The following VTI1A variants were observed in gnomAD, a reference collection of about 807,000 sequenced individuals.
VTI1A encodes vesicle transport through interaction with t-SNAREs 1A, also known as vesicle transport through interaction with t-SNAREs homolog 1A.
VTI1A carries 22 observed loss-of-function variants against 34.9 expected under a neutral mutation model. The ratio of observed to expected loss-of-function variants is 0.63; its 90% CI spans 0.45 to 0.90. VTI1A has a LOEUF of 0.90. VTI1A is among the 40% of genes least tolerant of loss of function. The pLI, the probability that VTI1A is intolerant of heterozygous loss-of-function variation, is 0.00. For missense variants in VTI1A, 268 were observed against 275.6 expected (o/e 0.97, Z 0.20); for synonymous variants, 87 against 97.3 (o/e 0.89, Z 0.62).
chr10:112,538,144 C>A, intron 4 of VTI1A, 102 bp from the exon 5 acceptor site: 1 of 931,624 alleles, frequency 1.1e-6, no homozygotes, highest in Non-Finnish European at 1.7e-6. Context: ...GCGAACCCCC[C>A]CACCCCATGT....
chr10:112,489,798 G>T (rs755778555), intron 3 of VTI1A, among the ~76,000 whole-genome samples: 4 of 152,116 alleles, frequency 2.6e-5, no homozygotes, highest in Non-Finnish European at 5.9e-5. Context: ...CTAGATTGTG[G>T]GTTGTGGCTA....
At chr10:112,706,395 C>T (rs1304589526) in intron 7 of VTI1A, among the ~76,000 whole-genome samples, 5 of 152,164 alleles carry the variant, frequency 3.3e-5, no homozygotes, top group Admixed American at 6.5e-5. Flanking sequence ...ACAGTGGTTA[C>T]ATGGGGTTAA....
intron 5 of VTI1A, among the ~76,000 whole-genome samples, chr10:112,544,519 G>A (rs1850998293): frequency 6.6e-6 from 1 of 151,922 alleles, no homozygotes; most frequent in Non-Finnish European, 1.5e-5. Context: ...CATTTCTTAA[G>A]TTAATAATGG....
At chr10:112,783,949 G>T (rs1462005815) in intron 7 of VTI1A, among the ~76,000 whole-genome samples, 1 of 152,214 alleles carries the variant, frequency 6.6e-6, no homozygotes, top group South Asian at 2.1e-4. Flanking sequence ...CTTCTCCCGA[G>T]AACTGTCATC....
At chr10:112,652,738 A>AAAAAAAAAAAAT (rs1847084426) in intron 5 of VTI1A, among the ~76,000 whole-genome samples, 1 of 151,498 alleles carries the variant, frequency 6.6e-6, no homozygotes. Flanking sequence ...AAAAAAAAAA[A>AAAAAAAAAAAAT]ATGGAAAGAA....
At chr10:112,700,141 C>CAAAAAA (rs1242861727) in intron 7 of VTI1A, among the ~76,000 whole-genome samples, 4 of 104,078 alleles carry the variant, frequency 3.8e-5, no homozygotes, top group Non-Finnish European at 7.7e-5. Flanking sequence ...AAAAACAAAA[C>CAAAAAA]AAAAAAAAAA....
intron 5 of VTI1A, among the ~76,000 whole-genome samples, chr10:112,583,757 A>G (rs1467930395): frequency 6.6e-6 from 1 of 152,206 alleles, no homozygotes; most frequent in Admixed American, 6.5e-5. Context: ...AGAGAGAGCT[A>G]GTTGTGTACT....
intron 3 of VTI1A, among the ~76,000 whole-genome samples, chr10:112,516,696 A>G (rs1849794766): frequency 6.6e-6 from 1 of 152,128 alleles, no homozygotes; most frequent in African/African-American, 2.4e-5. Context: ...GATAACAAAC[A>G]TACTGGAAAT....
At chr10:112,797,073 G>A (rs1353042372) in intron 7 of VTI1A, among the ~76,000 whole-genome samples, 1 of 152,192 alleles carries the variant, frequency 6.6e-6, no homozygotes, top group African/African-American at 2.4e-5. Flanking sequence ...GCGGAGGTGT[G>A]CAGTCCTGCT....
At chr10:112,567,748 A>G (rs573283172) in intron 5 of VTI1A, among the ~76,000 whole-genome samples, 1 of 152,314 alleles carries the variant, frequency 6.6e-6, no homozygotes, top group South Asian at 2.1e-4. Flanking sequence ...CAAGTGCTAT[A>G]TTGGTGACCT....
chr10:112,606,377 G>T (rs1413879432), intron 5 of VTI1A, among the ~76,000 whole-genome samples: 3 of 152,048 alleles, frequency 2.0e-5, no homozygotes, highest in Non-Finnish European at 2.9e-5. Flanking sequence ...AAGTCTTCAT[G>T]CCCTCACCAC....
intron 7 of VTI1A, among the ~76,000 whole-genome samples, chr10:112,806,121 C>T (rs1453296420): frequency 6.6e-6 from 1 of 152,094 alleles, no homozygotes; most frequent in Non-Finnish European, 1.5e-5. Context: ...GGAGAAAGTG[C>T]TCATCTCCCT....
At chr10:112,789,774 T>G (rs1030168842) in intron 7 of VTI1A, among the ~76,000 whole-genome samples, 2 of 152,142 alleles carry the variant, frequency 1.3e-5, no homozygotes, top group African/African-American at 4.8e-5. Context: ...TCTTCTTTGT[T>G]GAGGCATTGT....
intron 3 of VTI1A, among the ~76,000 whole-genome samples, chr10:112,474,083 A>G (rs1848195671): frequency 6.6e-6 from 1 of 150,508 alleles, no homozygotes; most frequent in African/African-American, 2.4e-5. Context: ...TTTTTTTGAG[A>G]TGGAGTCTCG....
intron 3 of VTI1A, among the ~76,000 whole-genome samples, chr10:112,488,460 T>C (rs766320151): frequency 4.6e-5 from 7 of 152,212 alleles, no homozygotes; most frequent in Non-Finnish European, 8.8e-5. Context: ...TCTGTTATTC[T>C]TGGTTAAGAT....
intron 7 of VTI1A, among the ~76,000 whole-genome samples, chr10:112,785,936 T>G (rs1231112510): frequency 6.6e-6 from 1 of 152,198 alleles, no homozygotes; most frequent in Non-Finnish European, 1.5e-5. Context: ...CAAACTCATT[T>G]TTATACATTC....
In VTI1A at chr10:112,815,500, T is replaced by G. The variant is rs1590211908; in HGVS notation, c.*117T>G. ...GGCCCCAGGTGACCCTCTCTCTCCC[T>G]CACCGCCGTTGGGCTGAAGTGCAAA... On this transcript the variant is annotated 3_prime_UTR_variant, in exon 8 of 8. Coordinates refer to ENST00000393077, the MANE Select transcript of VTI1A (RefSeq NM_145206.4). 3 of 839,360 alleles carry G rather than the reference T, an allele frequency of 3.6e-6. No individual in the cohort carries two copies. Among genetic ancestry groups the G allele is most frequent in the Non-Finnish European group, 5.9e-6 (3 of 504,214 alleles). The allele number at this position is 839,360 out of a possible 1,614,324, so 52.0% of individuals were successfully genotyped here. A position where few individuals can be genotyped will look rare whatever the true frequency, so the allele number is the denominator to read the frequency against.
intron 5 of VTI1A, among the ~76,000 whole-genome samples, chr10:112,628,731 G>A (rs1846014622): frequency 6.6e-6 from 1 of 151,830 alleles, no homozygotes; most frequent in Non-Finnish European, 1.5e-5. Flanking sequence ...AAAAGTATTT[G>A]ATCTAAACTA....
chr10:112,584,535 C>G (rs1844074870), intron 5 of VTI1A, among the ~76,000 whole-genome samples: 1 of 152,200 alleles, frequency 6.6e-6, no homozygotes, highest in Non-Finnish European at 1.5e-5. Context: ...AGGTATGCTT[C>G]CAACATACAG....
Sources: allele counts gnomAD v4.1 joint callset (sites outside exome capture counted in the v4.1 genomes callset), GRCh38; gene constraint gnomAD v4.1.1; transcripts MANE v1.5; gene names NCBI Gene and HGNC (gene_info 2026-07-23, HGNC 2026-07-21).